The following SP4 variants were observed in gnomAD, a reference collection of about 807,000 sequenced individuals.
SP4 encodes transcription factor Sp4.
Under a neutral mutation model 72.8 loss-of-function variants are expected in SP4, and 19 were observed. The observed-to-expected ratio is 0.26, with a 90% CI of 0.18 to 0.38. The LOEUF is 0.38. Among genes scored for constraint, SP4 ranks in the 10% least tolerant of loss-of-function variants. SP4 has a pLI of 1.00. For missense variants in SP4, 1,008 were observed against 926.3 expected (o/e 1.09, Z -1.14); for synonymous variants, 395 against 333.1 (o/e 1.19, Z -2.02).
chr7:21,507,844 C>A (rs1385842188), intron 5 of SP4, among the ~76,000 whole-genome samples: 1 of 152,030 alleles, frequency 6.6e-6, no homozygotes, highest in Non-Finnish European at 1.5e-5. Context: ...CCCATGGAAT[C>A]ACTTCATCCA....
intron 5 of SP4, among the ~76,000 whole-genome samples, chr7:21,484,717 G>T (rs1455316169): frequency 6.6e-6 from 1 of 151,734 alleles, no homozygotes; most frequent in African/African-American, 2.4e-5. Context: ...GATAAATTAG[G>T]GAAGCCAAGA....
intron 5 of SP4, chr7:21,482,555 CTCAG>C (rs1409735733): frequency 5.7e-6 from 3 of 523,294 alleles, no homozygotes; most frequent in East Asian, 1.5e-4. Context: ...TCTAACAACC[CTCAG>C]TCAGAATGGT....
intron 5 of SP4, among the ~76,000 whole-genome samples, chr7:21,491,838 G>C (rs768053250): frequency 6.6e-6 from 1 of 152,174 alleles, no homozygotes. Flanking sequence ...AAAACTAAGA[G>C]AATTTGCTGC....
intron 3 of SP4, among the ~76,000 whole-genome samples, chr7:21,433,593 A>G (rs1379830761): frequency 6.6e-6 from 1 of 152,228 alleles, no homozygotes; most frequent in African/African-American, 2.4e-5. Flanking sequence ...GTTTTAATGA[A>G]GCTAATGAAA....
chr7:21,452,846 G>T (rs1449604617), intron 3 of SP4, among the ~76,000 whole-genome samples: 1 of 150,000 alleles, frequency 6.7e-6, no homozygotes, highest in East Asian at 2.0e-4. Flanking sequence ...GCAGTGGCAC[G>T]ATCTGAGCTC....
In SP4 at chr7:21,430,470, C is replaced by T; in HGVS notation, c.1305C>T (p.Thr435=). Residue 435 remains threonine, a synonymous_variant, in exon 3 of 6, where the codon ACC becomes ACT. Coordinates refer to ENST00000222584, the MANE Select transcript of SP4 (RefSeq NM_003112.5). ...TCCAGTCAGGGCAGACGATTCAGAC[C>T]ATCCAGCAGCAGCCTTTACAGAATG... ...FQLQSGQTIQ[T]IQQQPLQNVQ... 4 of 1,614,182 alleles carry T rather than the reference C, an allele frequency of 2.5e-6. No homozygotes were observed. The highest frequency in any genetic ancestry group is 3.4e-6 in the Non-Finnish European group (4 of 1,180,024).
Position 21,428,199 on chromosome 7 carries a change from C to A in SP4, c.-53C>A. The A allele has an allele frequency of 1.8e-6, 2 of 1,119,132 alleles. No individual in the cohort carries two copies. The highest frequency in any genetic ancestry group is 1.3e-5 in the South Asian group (1 of 74,950). The allele number at this position is 1,119,132 out of a possible 1,614,324, so 69.3% of individuals were successfully genotyped here. On this transcript the variant is annotated 5_prime_UTR_variant, in exon 1 of 6. Coordinates refer to ENST00000222584, the MANE Select transcript of SP4 (RefSeq NM_003112.5). ...TCTCCTCCCGCCTCGCCCCCACCCC[C>A]ACCCACCTCTATCCCAGTGTCTCCG...
chr7:21,428,625 A>G (rs1197163244), intron 1 of SP4, 52 bp from the exon 2 acceptor site: 2 of 1,474,034 alleles, frequency 1.4e-6, no homozygotes, highest in Non-Finnish European at 1.8e-6. Context: ...ACGAATAATA[A>G]TAATCCTAAT....
At chr7:21,466,868 A>G (rs887142280) in intron 3 of SP4, among the ~76,000 whole-genome samples, 1 of 152,016 alleles carries the variant, frequency 6.6e-6, no homozygotes, top group Admixed American at 6.6e-5. Flanking sequence ...GCCTATTCCC[A>G]AATGTATGTA....
At chr7:21,463,948 C>G (rs10269168) in intron 3 of SP4, among the ~76,000 whole-genome samples, 107,535 of 151,992 alleles carry the variant, frequency 0.71, 38,682 homozygotes, top group East Asian at 0.9. Context: ...CTAGGTCTGA[C>G]TGTCCTCATC....
At chr7:21,449,321 G>A (rs558623168) in intron 3 of SP4, among the ~76,000 whole-genome samples, 2 of 152,308 alleles carry the variant, frequency 1.3e-5, no homozygotes, top group Admixed American at 1.3e-4. Context: ...ATGGCAGGTT[G>A]TGCCGCCTCC....
intron 3 of SP4, among the ~76,000 whole-genome samples, chr7:21,460,541 G>A (rs772520638): frequency 3.3e-5 from 5 of 152,176 alleles, no homozygotes; most frequent in African/African-American, 9.7e-5. Context: ...TCCACAGTAT[G>A]GAAGGGGACC....
At chr7:21,432,518 G>A (rs1782897369) in intron 3 of SP4, among the ~76,000 whole-genome samples, 1 of 152,192 alleles carries the variant, frequency 6.6e-6, no homozygotes, top group African/African-American at 2.4e-5. Flanking sequence ...GATAACTTTT[G>A]CAATCCAGAG....
intron 5 of SP4, among the ~76,000 whole-genome samples, chr7:21,489,623 G>A (rs985960456): frequency 1.5e-5 from 2 of 133,542 alleles, no homozygotes; most frequent in African/African-American, 2.8e-5. Flanking sequence ...GCAGTGGCAT[G>A]ATCTTGGCTC....
At chr7:21,447,571 G>A (rs185329715) in intron 3 of SP4, among the ~76,000 whole-genome samples, 1 of 152,342 alleles carries the variant, frequency 6.6e-6, no homozygotes, top group East Asian at 1.9e-4. Context: ...GAAACTATTT[G>A]CTGGAGCTGT....
intron 5 of SP4, among the ~76,000 whole-genome samples, chr7:21,509,491 T>G (rs1171774080): frequency 6.6e-6 from 1 of 152,130 alleles, no homozygotes; most frequent in African/African-American, 2.4e-5. Flanking sequence ...AATACTTGGT[T>G]TTAAATCTTT....
intron 3 of SP4, among the ~76,000 whole-genome samples, chr7:21,456,328 T>C (rs1003874939): frequency 6.6e-6 from 1 of 152,200 alleles, no homozygotes; most frequent in Non-Finnish European, 1.5e-5. Context: ...CCCTGGGGCA[T>C]TAACAGGAAC....
intron 3 of SP4, among the ~76,000 whole-genome samples, chr7:21,459,765 A>T (rs1783894230): frequency 6.6e-6 from 1 of 152,112 alleles, no homozygotes; most frequent in Admixed American, 6.5e-5. Context: ...CTGTTTACTA[A>T]CTTTGTCCTC....
In SP4 at chr7:21,505,506, C is replaced by G. The variant is rs536683889; in HGVS notation, c.2108-5516C>G. Reference sequence around the variant, plus strand: ...AATACGTTTGGGGCTTCTGTGAAACCTTGTGGCAGCACAGTCCAGGGGTAC... The same window carrying G: ...AATACGTTTGGGGCTTCTGTGAAACGTTGTGGCAGCACAGTCCAGGGGTAC... On this transcript the variant is annotated intron_variant, in intron 5 of 5. Transcript: ENST00000222584. Among the ~76,000 whole-genome samples the G allele has an allele frequency of 4.4e-4, 67 of 152,296 alleles. 1 individual carries two copies. In the South Asian group the frequency reaches 5.6e-3, roughly 13 times the overall value.
Sources: allele counts gnomAD v4.1 joint callset (sites outside exome capture counted in the v4.1 genomes callset), GRCh38; gene constraint gnomAD v4.1.1; transcripts MANE v1.5; gene names NCBI Gene and HGNC (gene_info 2026-07-23, HGNC 2026-07-21).